Variants in IL17RD observed in about 807,000 individuals in gnomAD.
The protein encoded by IL17RD is interleukin-17 receptor D.
Under a neutral mutation model 80.5 loss-of-function variants are expected in IL17RD, and 52 were observed. That is an observed-to-expected ratio of 0.65 (90% CI 0.52 to 0.81). IL17RD has a LOEUF of 0.81. Among genes scored for constraint, IL17RD ranks in the 40% least tolerant of loss-of-function variants. IL17RD has a pLI of 0.00. For synonymous variants in IL17RD, 416 were observed against 391.8 expected, an observed-to-expected ratio of 1.06 and a Z score of -0.73; for missense variants, 1,024 against 955.1, an observed-to-expected ratio of 1.07 and a Z score of -0.95.
intron 1 of IL17RD, among the ~76,000 whole-genome samples, chr3:57,124,277 C>T (rs547091033): frequency 5.3e-5 from 8 of 152,270 alleles, no homozygotes; most frequent in African/African-American, 1.7e-4. Context: ...GCCCCTTAAA[C>T]GTGTCCACAT....
At chr3:57,113,314 C>T (rs1331126981) in intron 3 of IL17RD, among the ~76,000 whole-genome samples, 1 of 152,050 alleles carries the variant, frequency 6.6e-6, no homozygotes, top group African/African-American at 2.4e-5. Context: ...CTCGGCTCAC[C>T]GCAACCTCTG....
At chr3:57,113,190 T>C (rs1707136421) in intron 3 of IL17RD, among the ~76,000 whole-genome samples, 2 of 152,198 alleles carry the variant, frequency 1.3e-5, no homozygotes, top group South Asian at 4.1e-4. Flanking sequence ...AATCTAGCCA[T>C]ATAATACAGG....
intron 1 of IL17RD, among the ~76,000 whole-genome samples, chr3:57,153,147 A>T (rs988720555): frequency 1.3e-5 from 2 of 152,256 alleles, no homozygotes; most frequent in African/African-American, 4.8e-5. Flanking sequence ...GCATTTCCTT[A>T]GACTCTCAAT....
At chr3:57,127,199 A>ATAT (rs1707479122) in intron 1 of IL17RD, among the ~76,000 whole-genome samples, 1 of 117,876 alleles carries the variant, frequency 8.5e-6, no homozygotes, top group African/African-American at 4.3e-5. Context: ...TATATATATA[A>ATAT]ATATATATAA....
chr3:57,137,425 T>C (rs1292081471), intron 1 of IL17RD, among the ~76,000 whole-genome samples: 1 of 152,130 alleles, frequency 6.6e-6, no homozygotes, highest in Non-Finnish European at 1.5e-5. Flanking sequence ...AGGTCTCTGA[T>C]ACAGGCCAAG....
At chr3:57,164,810 C>G in intron 1 of IL17RD, 1 of 825,704 alleles carries the variant, frequency 1.2e-6, no homozygotes. Flanking sequence ...CAGCCCGGGA[C>G]ACGCAGCCCT....
chr3:57,094,515 G>A lies in IL17RD; in HGVS notation c.*1878C>T, dbSNP rs1706626394. On this transcript the variant is annotated 3_prime_UTR_variant, in exon 13 of 13. Coordinates refer to ENST00000296318, the MANE Select transcript of IL17RD (RefSeq NM_017563.5). ...CTCCCAGTCCTCCATTCTCTCCCTG[G>A]GGCCACTTTCTCAGAGATGCCTTAT... 6.6e-6 allele frequency: 1 copy of A among 151,958 alleles called. No homozygotes were observed. The highest frequency in any genetic ancestry group is 2.4e-5 in the African/African-American group (1 of 41,328). The allele number at this position is 151,958 out of a possible 1,614,324, so 9.4% of individuals were successfully genotyped here. A position where few individuals can be genotyped will look rare whatever the true frequency, so the allele number is the denominator to read the frequency against.
intron 2 of IL17RD, among the ~76,000 whole-genome samples, chr3:57,115,256 G>A (rs1247097314): frequency 6.6e-6 from 1 of 152,182 alleles, no homozygotes; most frequent in Non-Finnish European, 1.5e-5. Context: ...CCAGGTGATT[G>A]GGGGAAAGGA....
chr3:57,100,039 C>T (rs1043755958), intron 11 of IL17RD, among the ~76,000 whole-genome samples: 1 of 152,204 alleles, frequency 6.6e-6, no homozygotes, highest in African/African-American at 2.4e-5. Context: ...TTTGGGATTC[C>T]AGACAATGTT....
intron 1 of IL17RD, chr3:57,142,536 T>TCC: frequency 7.8e-7 from 1 of 1,279,010 alleles, no homozygotes; most frequent in Non-Finnish European, 1.0e-6. Context: ...CCGTCTGACC[T>TCC]CCCCCACTCC....
At chr3:57,106,502 G>A (rs1306133255) in intron 5 of IL17RD, among the ~76,000 whole-genome samples, 5 of 152,202 alleles carry the variant, frequency 3.3e-5, no homozygotes, top group Admixed American at 2.6e-4. Flanking sequence ...TGTTTCAGCT[G>A]TAAACAGAAA....
At position 57,147,558 on chromosome 3, in the gene IL17RD, C is replaced by T. The variant is rs547219070; in HGVS notation, c.126+17603G>A. On this transcript the variant is annotated intron_variant, in intron 1 of 12. Coordinates refer to ENST00000296318, the MANE Select transcript of IL17RD (RefSeq NM_017563.5). ...TAAATGCCAAGGAAATAAACCAAAACGGCAAGGGAGATGGGCAGGTAACCC... is the reference window on the plus strand; with the variant it reads ...TAAATGCCAAGGAAATAAACCAAAATGGCAAGGGAGATGGGCAGGTAACCC... 5.9e-5 allele frequency among the ~76,000 whole-genome samples: 9 copies of T among 152,264 alleles called. No individual in the cohort carries two copies. In the East Asian group the frequency reaches 1.2e-3, roughly 20 times the overall value.
chr3:57,121,237 A>T (rs762046384), intron 1 of IL17RD, among the ~76,000 whole-genome samples: 4 of 152,350 alleles, frequency 2.6e-5, no homozygotes, highest in Middle Eastern at 6.8e-3. Context: ...AGGATGTTGG[A>T]GGGAACCATA....
intron 1 of IL17RD, among the ~76,000 whole-genome samples, chr3:57,148,366 A>G (rs1044520629): frequency 6.6e-6 from 1 of 151,486 alleles, no homozygotes; most frequent in Non-Finnish European, 1.5e-5. Context: ...AAGAAGACCC[A>G]CTAATTTTAA....
At chr3:57,152,711 T>G (rs1258507441) in intron 1 of IL17RD, among the ~76,000 whole-genome samples, 1 of 152,208 alleles carries the variant, frequency 6.6e-6, no homozygotes, top group East Asian at 1.9e-4. Context: ...GCCATGTAAT[T>G]AGGTAGAAGA....
At chr3:57,169,240 G>T, upstream of IL17RD, 1 of 518,860 alleles carries the variant, frequency 1.9e-6, no homozygotes, top group Non-Finnish European at 3.9e-6. Flanking sequence ...ACCTGCCAAG[G>T]CCAGGATTGC....
rs1196832350 is a variant in IL17RD at position 57,093,838 on chromosome 3, C to T, written c.*2555G>A. 3 of 152,234 alleles carry T rather than the reference C, an allele frequency of 2.0e-5. No homozygotes were observed. Among genetic ancestry groups the T allele is most frequent in the South Asian group, 2.1e-4 (1 of 4,824 alleles). 9.4% of individuals were successfully genotyped at this position (152,234 alleles called of 1,614,324 possible). On this transcript the variant is annotated 3_prime_UTR_variant, in exon 13 of 13. Coordinates refer to ENST00000296318, the MANE Select transcript of IL17RD (RefSeq NM_017563.5). ...CTGGCAAAGCTGATGACATCAGATG[C>T]TAAGTCCTTTCTGTAGCTCATTGGT...
At chr3:57,129,789 G>A (rs1559478315) in intron 1 of IL17RD, among the ~76,000 whole-genome samples, 1 of 152,208 alleles carries the variant, frequency 6.6e-6, no homozygotes, top group South Asian at 2.1e-4. Context: ...TCCACATGGT[G>A]GTCTCGGACA....
chr3:57,127,494 C>T (rs1707521263), intron 1 of IL17RD, among the ~76,000 whole-genome samples: 1 of 149,134 alleles, frequency 6.7e-6, no homozygotes, highest in African/African-American at 2.5e-5. Flanking sequence ...CAGTCTCCAC[C>T]TCCTGGGTTC....
Sources: gnomAD v4.1 joint callset for allele counts (sites outside exome capture counted in the v4.1 genomes callset) on GRCh38, gnomAD v4.1.1 for gene constraint, MANE v1.5 for transcripts, NCBI Gene and HGNC (gene_info 2026-07-23, HGNC 2026-07-21) for gene names.